MTPN: variants seen among roughly 807,000 people sequenced by gnomAD.
The protein encoded by MTPN is myotrophin, also known as granule cell differentiation protein.
Under a neutral mutation model 13.5 loss-of-function variants are expected in MTPN, and 2 were observed. The observed-to-expected ratio is 0.15, with a 90% confidence interval of 0.06 to 0.47. The LOEUF is 0.47. MTPN is among the 20% of genes least tolerant of loss of function. The pLI, the probability that MTPN is intolerant of heterozygous loss-of-function variation, is 0.97. For synonymous variants in MTPN, 46 were observed against 51.7 expected (o/e 0.89, Z 0.48); for missense variants, 79 against 137.9 (o/e 0.57, Z 2.14).
chr7:135,977,300 G>A lies in MTPN; in HGVS notation c.-200C>T, dbSNP rs1197759912. On this transcript the variant is annotated 5_prime_UTR_variant, in exon 1 of 4. Coordinates refer to ENST00000393085, the MANE Select transcript of MTPN (RefSeq NM_145808.4). ...GCGGGAGAAAGAAAGTTCTTTTGCG[G>A]CCACCGGGCCCAGCAGAGAGGTTCC... 8 of 606,900 alleles carry A rather than the reference G, an allele frequency of 1.3e-5. No individual in the cohort carries two copies. In the Admixed American group the frequency reaches 1.7e-4, roughly 13 times the overall value. 37.6% of individuals were successfully genotyped at this position (606,900 alleles called of 1,614,324 possible).
At chr7:135,936,502 G>A (rs1052523210) in intron 3 of MTPN, among the ~76,000 whole-genome samples, 2 of 152,002 alleles carry the variant, frequency 1.3e-5, no homozygotes, top group Admixed American at 6.6e-5. Context: ...CAAAAAAAAC[G>A]GATACAAATA....
In MTPN at chr7:135,929,554, G is replaced by A; in HGVS notation, c.*372C>T. On this transcript the variant is annotated 3_prime_UTR_variant, in exon 4 of 4. Transcript: ENST00000393085. ...TCAGACAGTTAGGGCTACCAAATAT[G>A]TAGAGTTGGCCTTTGTAGAATCAGA... 1 of 221,390 alleles carries A rather than the reference G, an allele frequency of 4.5e-6. No individual in the cohort carries two copies. The highest frequency in any genetic ancestry group is 1.0e-5 in the Non-Finnish European group (1 of 98,518). The allele number at this position is 221,390 out of a possible 1,614,324, so 13.7% of individuals were successfully genotyped here. A position where few individuals can be genotyped will look rare whatever the true frequency, so the allele number is the denominator to read the frequency against.
Position 135,950,585 on chromosome 7 carries a change from G to A in MTPN, c.270+14C>T. ...AGTAATAGAAAAAGCAATACTATTA[G>A]CAATTGACCTCACCTTTGACAGAAG... is the stretch of plus-strand genomic sequence containing the variant. On this transcript the variant is annotated intron_variant, in intron 3 of 3. Coordinates refer to ENST00000393085, the MANE Select transcript of MTPN (RefSeq NM_145808.4). 6.3e-7 allele frequency: 1 copy of A among 1,585,886 alleles called. No homozygotes were observed. Among genetic ancestry groups the A allele is most frequent in the Non-Finnish European group, 8.6e-7 (1 of 1,156,326 alleles).
chr7:135,946,451 C>T (rs1263742349), intron 3 of MTPN, among the ~76,000 whole-genome samples: 1 of 150,466 alleles, frequency 6.6e-6, no homozygotes, highest in Non-Finnish European at 1.5e-5. Flanking sequence ...AAATTCCAAA[C>T]TATTTATGAG....
chr7:135,937,237 T>C (rs769477000), intron 3 of MTPN, among the ~76,000 whole-genome samples: 3 of 152,172 alleles, frequency 2.0e-5, no homozygotes, highest in Admixed American at 6.5e-5. Flanking sequence ...AAGATGCTGA[T>C]TATAGTTATA....
At chr7:135,930,744 CA>C (rs1471568674) in intron 3 of MTPN, among the ~76,000 whole-genome samples, 1 of 152,202 alleles carries the variant, frequency 6.6e-6, no homozygotes, top group East Asian at 1.9e-4. Context: ...TGTACTCCAG[CA>C]CTTGGAAAAG....
At chr7:135,958,345 A>G (rs1013935809) in intron 1 of MTPN, among the ~76,000 whole-genome samples, 47 of 152,328 alleles carry the variant, frequency 3.1e-4, no homozygotes, top group African/African-American at 1.1e-3. Flanking sequence ...ACAGTCACTT[A>G]TAACAGCTTT....
intron 1 of MTPN, 102 bp downstream of exon 1, chr7:135,976,927 T>TCCCCCCCCCCCCCCTCCCC: frequency 2.4e-6 from 1 of 410,736 alleles, no homozygotes; most frequent in South Asian, 1.8e-5. Context: ...AAGTCTCTCC[T>TCCCCCCCCCCCCCCTCCCC]CCCGCCCACC....
rs1313639182 is a variant in MTPN, at chr7:135,929,080, T to C, written c.*846A>G. ...AGATAACTGTTCTCTCTTCATATGATACTAACAGGCTTATGGCTATGATTC... is the reference window on the plus strand; with the variant it reads ...AGATAACTGTTCTCTCTTCATATGACACTAACAGGCTTATGGCTATGATTC... On this transcript the variant is annotated 3_prime_UTR_variant, in exon 4 of 4. Transcript: ENST00000393085. 6.0e-6 allele frequency: 1 copy of C among 167,088 alleles called. No individual in the cohort carries two copies. Among genetic ancestry groups the C allele is most frequent in the Non-Finnish European group, 1.5e-5 (1 of 68,112 alleles). The allele number at this position is 167,088 out of a possible 1,614,324, so 10.4% of individuals were successfully genotyped here.
intron 1 of MTPN, among the ~76,000 whole-genome samples, chr7:135,973,816 C>A (rs751346295): frequency 6.6e-6 from 1 of 151,992 alleles, no homozygotes; most frequent in African/African-American, 2.4e-5. Context: ...TAGATGCTTA[C>A]GTTTCCTGAA....
chr7:135,976,200 C>T (rs1366382357), intron 1 of MTPN, among the ~76,000 whole-genome samples: 2 of 152,124 alleles, frequency 1.3e-5, no homozygotes, highest in African/African-American at 4.8e-5. Flanking sequence ...GCCACAATGT[C>T]GATTCAGTTT....
Position 135,928,337 on chromosome 7 carries a change from T to G in MTPN, c.*1589A>C, listed in dbSNP as rs1584802286. ...ACACCTATACACCCACACACCCACA[T>G]GCCAACCAACCAACCAACCAGCAAC... On this transcript the variant is annotated 3_prime_UTR_variant, in exon 4 of 4. Coordinates refer to ENST00000393085, the MANE Select transcript of MTPN (RefSeq NM_145808.4). 1 of 166,962 alleles carries G rather than the reference T, an allele frequency of 6.0e-6. No individual in the cohort carries two copies. The highest frequency in any genetic ancestry group is 2.4e-5 in the African/African-American group (1 of 41,410). The allele number at this position is 166,962 out of a possible 1,614,324, so 10.3% of individuals were successfully genotyped here.
intron 1 of MTPN, among the ~76,000 whole-genome samples, chr7:135,968,754 A>G (rs1425839227): frequency 6.6e-6 from 1 of 151,486 alleles, no homozygotes; most frequent in Non-Finnish European, 1.5e-5. Context: ...CTTAATGCTT[A>G]TTAAAAGATA....
At chr7:135,936,066 C>T (rs1231036762) in intron 3 of MTPN, among the ~76,000 whole-genome samples, 1 of 152,152 alleles carries the variant, frequency 6.6e-6, no homozygotes, top group Non-Finnish European at 1.5e-5. Context: ...TGCTTCAAGG[C>T]ACTGATTGTT....
At chr7:135,959,019 T>G (rs1041765970) in intron 1 of MTPN, among the ~76,000 whole-genome samples, 5 of 152,160 alleles carry the variant, frequency 3.3e-5, no homozygotes, top group African/African-American at 1.2e-4. Flanking sequence ...AAATAAAATC[T>G]GGAAATTAAA....
chr7:135,948,534 C>G (rs1437597939), intron 3 of MTPN, among the ~76,000 whole-genome samples: 3 of 152,122 alleles, frequency 2.0e-5, no homozygotes, highest in African/African-American at 7.2e-5. Context: ...ACACAGAGAA[C>G]CTTCTGGGAT....
At chr7:135,932,825 C>G (rs1799045061) in intron 3 of MTPN, 1 of 152,106 alleles carries the variant, frequency 6.6e-6, no homozygotes, top group Admixed American at 6.6e-5. Flanking sequence ...CGCAGTGGCT[C>G]ACAGCTGTAA....
At chr7:135,949,074 G>C (rs1799326000) in intron 3 of MTPN, among the ~76,000 whole-genome samples, 1 of 152,148 alleles carries the variant, frequency 6.6e-6, no homozygotes. Flanking sequence ...TCAGATCATG[G>C]TCATGTGTCT....
intron 3 of MTPN, among the ~76,000 whole-genome samples, chr7:135,943,825 T>C (rs554828570): frequency 6.6e-6 from 1 of 152,348 alleles, no homozygotes; most frequent in African/African-American, 2.4e-5. Flanking sequence ...CTTTTGGGCT[T>C]TCTCCTCTCA....
Sources: allele counts gnomAD v4.1 joint callset (sites outside exome capture counted in the v4.1 genomes callset), GRCh38; gene constraint gnomAD v4.1.1; transcripts MANE v1.5; gene names NCBI Gene and HGNC (gene_info 2026-07-23, HGNC 2026-07-21).